LRIT3: variants seen among roughly 807,000 people sequenced by gnomAD.
LRIT3 encodes the protein leucine rich repeat, Ig-like and transmembrane domains 3.
LRIT3 carries 14 observed loss-of-function variants against 22.6 expected under a neutral mutation model. The observed-to-expected ratio is 0.62, with a 90% CI of 0.41 to 0.97. The LOEUF is 0.97. Ranked by LOEUF, LRIT3 falls within the 50% of genes least tolerant of loss-of-function variation. The pLI is 0.00. For missense variants in LRIT3, 783 were observed against 803.0 expected (o/e 0.98, Z 0.30); for synonymous variants, 306 against 304.5 (o/e 1.01, Z -0.05).
At position 109,869,628 on chromosome 4, in the gene LRIT3, CA is replaced by C; in HGVS notation, c.896-16del. 1 of 1,528,412 alleles carries C rather than the reference CA, an allele frequency of 6.5e-7. No homozygotes were observed. The highest frequency in any genetic ancestry group is 8.8e-7 in the Non-Finnish European group (1 of 1,140,756). The allele number at this position is 1,528,412 out of a possible 1,614,324, so 94.7% of individuals were successfully genotyped here. ...TTCTTTTTGTTCCTCACAGACTATACATTTGTTTTCTTCCAGTAATACAAGA... is the reference window on the plus strand; with the variant it reads ...TTCTTTTTGTTCCTCACAGACTATACTTTGTTTTCTTCCAGTAATACAAGA... On this transcript the variant is annotated splice_polypyrimidine_tract_variant and intron_variant, in intron 3 of 3. Transcript: ENST00000594814.
Position 109,866,871 on chromosome 4 carries a change from C to T in LRIT3, c.590-770C>T, listed in dbSNP as rs116043699. On this transcript the variant is annotated intron_variant, in intron 2 of 3. Coordinates refer to ENST00000594814, the MANE Select transcript of LRIT3 (RefSeq NM_198506.5). ...CTTGCAACTGGAAGCTGTCCGCTAA[C>T]CGCATTGCTTGCAGCTGATTCTCTC... Among the ~76,000 whole-genome samples, 864 of 152,320 alleles carry T rather than the reference C, an allele frequency of 5.7e-3. 2 individuals are homozygous for T. The highest frequency in any genetic ancestry group is 0.019 in the African/African-American group (776 of 41,564).
In LRIT3 at chr4:109,870,197, C is replaced by CA. The variant is rs2125901656; in HGVS notation, c.1451dup (p.Asn484LysfsTer12). ...TTGGATCAAACAATGCTTACGGAGA[C>CA]AAATGCCGCAATAGAAAACCTCAGG... is the stretch of plus-strand genomic sequence containing the variant. On this transcript the variant is annotated frameshift_variant, in exon 4 of 4. Coordinates refer to ENST00000594814, the MANE Select transcript of LRIT3 (RefSeq NM_198506.5). LOFTEE classifies it low-confidence loss of function (END_TRUNC). The CA allele has an allele frequency of 6.2e-7, 1 of 1,614,188 alleles. No individual in the cohort carries two copies. Among genetic ancestry groups the CA allele is most frequent in the Non-Finnish European group, 8.5e-7 (1 of 1,180,028 alleles).
intron 2 of LRIT3, chr4:109,865,285 T>C: frequency 6.3e-7 from 1 of 1,597,216 alleles, no homozygotes; most frequent in Non-Finnish European, 8.6e-7. Flanking sequence ...GGTGAGAATG[T>C]CATTTCCTAT....
At position 109,858,936 on chromosome 4, in the gene LRIT3, G is replaced by T. The variant is rs58710468; in HGVS notation, c.589+6960G>T. On this transcript the variant is annotated intron_variant, in intron 2 of 3. Coordinates refer to ENST00000594814, the MANE Select transcript of LRIT3 (RefSeq NM_198506.5). ...GAGCTCACTAGGAATTCCCATAACC[G>T]CAAAACATGAAAACATATGTTTTTT... is the stretch of plus-strand genomic sequence containing the variant. Among the ~76,000 whole-genome samples, 1,075 of 152,246 alleles carry T rather than the reference G, an allele frequency of 7.1e-3. 12 individuals carry two copies. Among genetic ancestry groups the T allele is most frequent in the African/African-American group, 0.024 (1,014 of 41,540 alleles).
chr4:109,865,119 G>T, intron 2 of LRIT3: 1 of 1,424,894 alleles, frequency 7.0e-7, no homozygotes, highest in Non-Finnish European at 9.3e-7. Context: ...TATTTTATAG[G>T]CTGATAGAAC....
At position 109,864,994 on chromosome 4, in the gene LRIT3, A is replaced by C; in HGVS notation, c.590-2647A>C. On this transcript the variant is annotated intron_variant, in intron 2 of 3. Coordinates refer to ENST00000594814, the MANE Select transcript of LRIT3 (RefSeq NM_198506.5). ...AGCACCTCAATCAATAGAGATAAAA[A>C]TGTTACAAATTAGGCATTCTATCAT... 5 of 1,135,848 alleles carry C rather than the reference A, an allele frequency of 4.4e-6. No individual in the cohort carries two copies. The South Asian group carries it at 1.1e-4, about 24-fold the overall frequency. The allele number at this position is 1,135,848 out of a possible 1,614,324, so 70.4% of individuals were successfully genotyped here.
chr4:109,867,130 A>G (rs994092720), intron 2 of LRIT3, among the ~76,000 whole-genome samples: 2 of 152,120 alleles, frequency 1.3e-5, no homozygotes, highest in African/African-American at 4.8e-5. Flanking sequence ...TAATACTTAC[A>G]ATACTGTAAG....
Position 109,868,885 on chromosome 4 carries a change from T to G in LRIT3, c.896-760T>G, listed in dbSNP as rs945447799. Among the ~76,000 whole-genome samples the G allele has an allele frequency of 6.6e-5, 10 of 152,176 alleles. 1 individual carries two copies. The highest frequency in any genetic ancestry group is 3.3e-4 in the Admixed American group (5 of 15,276). On this transcript the variant is annotated intron_variant, in intron 3 of 3. Transcript: ENST00000594814. The stretch of plus-strand genomic sequence containing the variant: ...TATAGGTAGTCAATGGTCCACAGTT[T>G]CAGCTAGTGAGTTAAGTTTTGGGCT...
In LRIT3 at chr4:109,870,414, T is replaced by C. The variant is rs1454516912; in HGVS notation, c.1665T>C (p.Cys555=). The stretch of plus-strand genomic sequence containing the variant: ...GTGGGCAATACATGGCCTGTGTCTG[T>C]CCAAAAGGAGTGCCTCCCCAGAAAG... ...EPGGQYMACV[C]PKGVPPQKDQ... is the part of the protein sequence containing the mutation. The change falls in exon 4 of 4, where the codon TGT becomes TGC. Residue 555 remains cysteine, a synonymous_variant. Transcript: ENST00000594814. 1 of 1,614,170 alleles carries C rather than the reference T, an allele frequency of 6.2e-7. No individual in the cohort carries two copies. The highest frequency in any genetic ancestry group is 1.1e-5 in the South Asian group (1 of 91,068).
intron 2 of LRIT3, among the ~76,000 whole-genome samples, chr4:109,866,823 G>A (rs1734692303): frequency 6.6e-6 from 1 of 152,148 alleles, no homozygotes; most frequent in South Asian, 2.1e-4. Flanking sequence ...TAACAATTCT[G>A]AAAGTGAGAC....
At chr4:109,860,046 A>T (rs1408594171) in intron 2 of LRIT3, among the ~76,000 whole-genome samples, 1 of 152,204 alleles carries the variant, frequency 6.6e-6, no homozygotes, top group Non-Finnish European at 1.5e-5. Flanking sequence ...TGCCCTGCAA[A>T]TAAACATTGG....
At chr4:109,849,847 A>G (rs1734167124) in intron 1 of LRIT3, among the ~76,000 whole-genome samples, 1 of 152,228 alleles carries the variant, frequency 6.6e-6, no homozygotes, top group Non-Finnish European at 1.5e-5. Flanking sequence ...TCCTGACCTC[A>G]GGTAATCCAC....
Position 109,870,910 on chromosome 4 carries a change from C to A in LRIT3, c.*121C>A. ...GTACATGAAAATCACAAATGGAATG[C>A]TTTTAAGTATGTTTAAAAAATACCA... On this transcript the variant is annotated 3_prime_UTR_variant, in exon 4 of 4. Transcript: ENST00000594814. 1 of 993,308 alleles carries A rather than the reference C, an allele frequency of 1.0e-6. No individual in the cohort carries two copies. The highest frequency in any genetic ancestry group is 1.4e-6 in the Non-Finnish European group (1 of 711,626). The allele number at this position is 993,308 out of a possible 1,614,324, so 61.5% of individuals were successfully genotyped here.
chr4:109,852,937 A>T (rs948486195), intron 2 of LRIT3, among the ~76,000 whole-genome samples: 5 of 152,224 alleles, frequency 3.3e-5, no homozygotes, highest in South Asian at 2.1e-4. Flanking sequence ...TTATGGCTGC[A>T]TAGTATTCCA....
chr4:109,859,603 T>C (rs1424548830), intron 2 of LRIT3, among the ~76,000 whole-genome samples: 3 of 152,176 alleles, frequency 2.0e-5, no homozygotes, highest in African/African-American at 7.2e-5. Context: ...AGAAGAGCCA[T>C]GGCAAGATGA....
At chr4:109,848,654 A>G (rs1368083837) in intron 1 of LRIT3, among the ~76,000 whole-genome samples, 2 of 152,198 alleles carry the variant, frequency 1.3e-5, no homozygotes, top group Non-Finnish European at 2.9e-5. Context: ...GATTATAGAA[A>G]GGCTAAGAGG....
chr4:109,865,183 G>A (rs944665658), intron 2 of LRIT3: 15 of 1,476,582 alleles, frequency 1.0e-5, no homozygotes, highest in Middle Eastern at 1.7e-4. Flanking sequence ...CCATTTTGCC[G>A]ATGAGAAAAC....
chr4:109,850,413 TCCTTCCTTC>T (rs1447494480), intron 1 of LRIT3, among the ~76,000 whole-genome samples: 651 of 18,246 alleles, frequency 0.036, 81 homozygotes, highest in African/African-American at 0.061. Context: ...CTTCCTTCCT[TCCTTCCTTC>T]CTTTCTTTCT....
intron 2 of LRIT3, among the ~76,000 whole-genome samples, 198 bp from the exon 3 acceptor site, chr4:109,867,443 T>C (rs1340241227): frequency 2.6e-5 from 4 of 152,208 alleles, no homozygotes; most frequent in Admixed American, 2.0e-4. Context: ...TTATTAATGA[T>C]CTGAACTAAT....
Sources: gnomAD v4.1 joint callset for allele counts (sites outside exome capture counted in the v4.1 genomes callset) on GRCh38, gnomAD v4.1.1 for gene constraint, MANE v1.5 for transcripts, NCBI Gene and HGNC (gene_info 2026-07-23, HGNC 2026-07-21) for gene names.